ZC3H12B: variants seen among roughly 807,000 people sequenced by gnomAD.
The protein encoded by ZC3H12B is zinc finger CCCH-type containing 12B.
ZC3H12B carries 7 observed loss-of-function variants against 43.9 expected under a neutral mutation model. The ratio of observed to expected loss-of-function variants is 0.16; its 90% confidence interval spans 0.09 to 0.30. The LOEUF (loss-of-function observed/expected upper bound fraction) is 0.30, where lower values mean the gene tolerates loss of function less well. Among genes scored for constraint, ZC3H12B ranks in the 10% least tolerant of loss-of-function variants. ZC3H12B has a pLI of 1.00. For missense variants in ZC3H12B, 475 were observed against 670.2 expected, an observed-to-expected ratio of 0.71 and a Z score of 3.22; for synonymous variants, 222 against 241.7, an observed-to-expected ratio of 0.92 and a Z score of 0.76.
At chrX:65,131,085 A>T in the ZC3H12B span, among the ~76,000 whole-genome samples, 1 of 112,197 alleles carries the variant, frequency 8.9e-6, no homozygotes, top group Non-Finnish European at 1.9e-5. Flanking sequence ...GCATATTTAG[A>T]GTCAGTATAA....
At chrX:65,249,230 T>C in the ZC3H12B span, among the ~76,000 whole-genome samples, 3 of 112,377 alleles carry the variant, frequency 2.7e-5, no homozygotes, top group Non-Finnish European at 5.6e-5. Context: ...TATTAAAGTC[T>C]TTAAGCCATC....
intron 3 of ZC3H12B, among the ~76,000 whole-genome samples, chrX:65,446,263 A>G (rs1422734683): frequency 1.8e-5 from 2 of 111,437 alleles, no homozygotes; most frequent in East Asian, 5.6e-4. Flanking sequence ...CTCTTTCCTC[A>G]AGTGAAAGGA....
At chrX:65,060,245 T>C in the ZC3H12B span, among the ~76,000 whole-genome samples, 1 of 112,222 alleles carries the variant, frequency 8.9e-6, no homozygotes, top group African/African-American at 3.2e-5. Flanking sequence ...ATTTCAGTAT[T>C]GTGTTGAATA....
At chrX:65,264,960 C>T in the ZC3H12B span, among the ~76,000 whole-genome samples, 1 of 111,241 alleles carries the variant, frequency 9.0e-6, no homozygotes, top group Non-Finnish European at 1.9e-5. Flanking sequence ...TAGGAAACTG[C>T]GATTTAGGGA....
chrX:65,282,329 C>A, the ZC3H12B span, among the ~76,000 whole-genome samples: 1 of 110,901 alleles, frequency 9.0e-6, no homozygotes, highest in Non-Finnish European at 1.9e-5. Flanking sequence ...AAAACAACAA[C>A]AACAACAAAA....
the ZC3H12B span, among the ~76,000 whole-genome samples, chrX:65,167,389 T>C: frequency 9.0e-6 from 1 of 111,495 alleles, no homozygotes; most frequent in African/African-American, 3.3e-5. Flanking sequence ...TCTGTTCTGT[T>C]CTATTGGTCT....
intron 2 of ZC3H12B, among the ~76,000 whole-genome samples, chrX:65,381,221 C>A (rs1047706535): frequency 9.0e-6 from 1 of 111,120 alleles, no homozygotes; most frequent in African/African-American, 3.3e-5. Flanking sequence ...CTCCTCAGCA[C>A]ACGTAAAAGA....
the ZC3H12B span, among the ~76,000 whole-genome samples, chrX:65,105,785 G>T: frequency 1.8e-5 from 2 of 111,098 alleles, no homozygotes; most frequent in Non-Finnish European, 3.8e-5. Flanking sequence ...TGCTTGGGTG[G>T]TGATAGGGAA....
the ZC3H12B span, among the ~76,000 whole-genome samples, chrX:65,130,160 G>T: frequency 3.6e-5 from 4 of 111,325 alleles, no homozygotes; most frequent in Non-Finnish European, 7.5e-5. Flanking sequence ...TGAGCTTGGT[G>T]AGGTCTGGTT....
At chrX:65,283,275 C>G in the ZC3H12B span, among the ~76,000 whole-genome samples, 9 of 111,923 alleles carry the variant, frequency 8.0e-5, no homozygotes, top group Admixed American at 5.7e-4. Flanking sequence ...ATTCAACAGC[C>G]CTTCATGCTG....
At chrX:65,108,025 T>G in the ZC3H12B span, among the ~76,000 whole-genome samples, 80 of 110,956 alleles carry the variant, frequency 7.2e-4, no homozygotes, top group African/African-American at 2.4e-3. Flanking sequence ...ACATAGAAAA[T>G]GGACAGTAAA....
the ZC3H12B span, among the ~76,000 whole-genome samples, chrX:65,171,503 G>T: frequency 9.0e-6 from 1 of 111,334 alleles, no homozygotes; most frequent in African/African-American, 3.3e-5. Flanking sequence ...ACCCACTTGA[G>T]GAGGCAGTCT....
chrX:65,376,527 T>A (rs2066348862), intron 2 of ZC3H12B, among the ~76,000 whole-genome samples: 1 of 111,784 alleles, frequency 8.9e-6, no homozygotes. Context: ...TGGTACTCAC[T>A]GGGCTGCTTA....
chrX:65,388,663 G>A (rs759991876), intron 2 of ZC3H12B, among the ~76,000 whole-genome samples: 5 of 111,798 alleles, frequency 4.5e-5, no homozygotes, highest in Admixed American at 9.5e-5. Flanking sequence ...TTCTCCATCC[G>A]GGTTTGTTCC....
At chrX:65,335,803 C>A in the ZC3H12B span, among the ~76,000 whole-genome samples, 26 of 111,692 alleles carry the variant, frequency 2.3e-4, no homozygotes, top group Non-Finnish European at 4.5e-4. Flanking sequence ...GGGCTAATTA[C>A]GACATGAACC....
chrX:65,285,014 T>G, the ZC3H12B span, among the ~76,000 whole-genome samples: 1 of 110,763 alleles, frequency 9.0e-6, no homozygotes, highest in African/African-American at 3.3e-5. Context: ...ATTTACAAAT[T>G]ATTGCTATCA....
At chrX:65,166,552 A>C in the ZC3H12B span, among the ~76,000 whole-genome samples, 1 of 111,907 alleles carries the variant, frequency 8.9e-6, no homozygotes, top group Non-Finnish European at 1.9e-5. Context: ...TCCTTTCAGT[A>C]TATAAGCAGT....
the ZC3H12B span, among the ~76,000 whole-genome samples, chrX:65,238,612 G>A: frequency 9.0e-6 from 1 of 111,033 alleles, no homozygotes; most frequent in East Asian, 2.8e-4. Context: ...TCTTGGTTAT[G>A]TTTTGTCTTC....
At chrX:65,446,950 C>G (rs1054061285) in intron 3 of ZC3H12B, among the ~76,000 whole-genome samples, 12 of 111,976 alleles carry the variant, frequency 1.1e-4, no homozygotes, top group African/African-American at 3.9e-4. Context: ...TTCTGCCTCT[C>G]ACTTTTGACA....
Sources: allele counts gnomAD v4.1 joint callset (sites outside exome capture counted in the v4.1 genomes callset), GRCh38; gene constraint gnomAD v4.1.1; transcripts MANE v1.5; gene names NCBI Gene and HGNC (gene_info 2026-07-23, HGNC 2026-07-21).